TAF8: variants seen among roughly 807,000 people sequenced by gnomAD.
TAF8 encodes TATA-box binding protein associated factor 8, also known as transcription initiation factor TFIID subunit 8.
A neutral mutation model predicts 36.5 loss-of-function variants in TAF8; 47 were observed. That is an observed-to-expected ratio of 1.29 (90% confidence interval 1.02 to 1.64). TAF8 has a LOEUF of 1.64. Ranked by LOEUF, TAF8 falls within the 40% of genes most tolerant of loss-of-function variation. TAF8 has a pLI of 0.00. For missense variants in TAF8, 420 were observed against 407.6 expected, an observed-to-expected ratio of 1.03 and a Z score of -0.26; for synonymous variants, 175 against 159.5, an observed-to-expected ratio of 1.10 and a Z score of -0.73.
chr6:42,084,755 A>G (rs577859329), downstream of TAF8, among the ~76,000 whole-genome samples: 1 of 152,266 alleles, frequency 6.6e-6, no homozygotes, highest in African/African-American at 2.4e-5. Context: ...GAGCTACTGC[A>G]CCTGGCCTCA....
intron 7 of TAF8, among the ~76,000 whole-genome samples, chr6:42,076,051 TAAA>T (rs2127463956): frequency 6.6e-6 from 1 of 151,928 alleles, no homozygotes; most frequent in South Asian, 2.1e-4. Flanking sequence ...CTACTAAAAA[TAAA>T]AAACTTAGCG....
At chr6:42,062,897 T>C (rs1765236397) in intron 5 of TAF8, among the ~76,000 whole-genome samples, 1 of 152,094 alleles carries the variant, frequency 6.6e-6, no homozygotes, top group East Asian at 1.9e-4. Flanking sequence ...TAACAAAAGC[T>C]ATGGCTAAAG....
rs183932229 is a variant in TAF8 at position 42,081,940 on chromosome 6, T to C, written c.*4395T>C. The C allele has an allele frequency of 5.6e-4, 85 of 152,344 alleles. 1 individual carries two copies. The East Asian group carries it at 0.015, about 27-fold the overall frequency. 9.4% of individuals were successfully genotyped at this position (152,344 alleles called of 1,614,324 possible). On this transcript the variant is annotated 3_prime_UTR_variant, in exon 9 of 9. Transcript: ENST00000372977. ...TAGATTCACAAGATGTTGCAAAAAA[T>C]GTTGAGAGAGATCCTATGTACCCAT...
Position 42,078,798 on chromosome 6 carries a change from A to G in TAF8, c.*1253A>G, listed in dbSNP as rs774084475. 9 of 985,280 alleles carry G rather than the reference A, an allele frequency of 9.1e-6. No homozygotes were observed. The highest frequency in any genetic ancestry group is 1.1e-5 in the Non-Finnish European group (9 of 829,962). 61.0% of individuals were successfully genotyped at this position (985,280 alleles called of 1,614,324 possible). On this transcript the variant is annotated 3_prime_UTR_variant, in exon 9 of 9. Transcript: ENST00000372977. ...AGAGCGTCGGCTCTATTATGCTGGG[A>G]CTTGACAGAGGAGCCATGGGGTTTA...
intron 5 of TAF8, among the ~76,000 whole-genome samples, chr6:42,061,008 C>T (rs1765171325): frequency 6.6e-6 from 1 of 152,206 alleles, no homozygotes; most frequent in African/African-American, 2.4e-5. Context: ...ATGTTTAACA[C>T]ATTAGCTCTC....
chr6:42,080,363 TTTTTC>T lies in TAF8; in HGVS notation c.*2828_*2832del, dbSNP rs1284904600. 3 of 909,306 alleles carry T rather than the reference TTTTTC, an allele frequency of 3.3e-6. No individual in the cohort carries two copies. Among genetic ancestry groups the T allele is most frequent in the South Asian group, 5.0e-5 (1 of 20,094 alleles). The allele number at this position is 909,306 out of a possible 1,614,324, so 56.3% of individuals were successfully genotyped here. On this transcript the variant is annotated 3_prime_UTR_variant, in exon 9 of 9. Coordinates refer to ENST00000372977, the MANE Select transcript of TAF8 (RefSeq NM_138572.3). ...GAGATTTCAGAGGCTATACTCTTTT[TTTTTC>T]TTTTCTTTTTTTTTTTTTTTTGAGA...
At chr6:42,086,482 C>T (rs1386650207), downstream of TAF8, among the ~76,000 whole-genome samples, 1 of 152,172 alleles carries the variant, frequency 6.6e-6, no homozygotes, top group Non-Finnish European at 1.5e-5. Context: ...ACCGTGGCCA[C>T]CACGTGTTTT....
At chr6:42,065,697 C>T (rs542193102) in intron 5 of TAF8, among the ~76,000 whole-genome samples, 77 of 152,310 alleles carry the variant, frequency 5.1e-4, no homozygotes, top group African/African-American at 1.7e-3. Flanking sequence ...TCTTTCTTCA[C>T]GATGCGTCTC....
At chr6:42,071,879 T>C (rs982415237) in intron 7 of TAF8, among the ~76,000 whole-genome samples, 2 of 152,096 alleles carry the variant, frequency 1.3e-5, no homozygotes, top group Non-Finnish European at 2.9e-5. Context: ...GACGGTCCCG[T>C]AGTGATGTGA....
chr6:42,078,633 A>C lies in TAF8; in HGVS notation c.*1088A>C. On this transcript the variant is annotated 3_prime_UTR_variant, in exon 9 of 9. Coordinates refer to ENST00000372977, the MANE Select transcript of TAF8 (RefSeq NM_138572.3). ...GGGCTGCACCTGTCCTCCCGTCGGCATTTGACGAAAGCTCCCTGAAGCGGG... is the reference window on the plus strand; with the variant it reads ...GGGCTGCACCTGTCCTCCCGTCGGCCTTTGACGAAAGCTCCCTGAAGCGGG... The C allele has an allele frequency of 1.0e-6, 1 of 985,462 alleles. No individual in the cohort carries two copies. The highest frequency in any genetic ancestry group is 1.2e-6 in the Non-Finnish European group (1 of 829,946). The allele number at this position is 985,462 out of a possible 1,614,324, so 61.0% of individuals were successfully genotyped here.
intron 1 of TAF8, chr6:42,050,995 G>C: frequency 9.2e-7 from 1 of 1,086,468 alleles, no homozygotes; most frequent in South Asian, 3.5e-5. Flanking sequence ...CAATGAAATG[G>C]TGTGAAGATG....
chr6:42,074,146 A>C (rs1029381422), intron 7 of TAF8, among the ~76,000 whole-genome samples: 16 of 152,136 alleles, frequency 1.1e-4, no homozygotes, highest in Admixed American at 9.2e-4. Flanking sequence ...AAAACAAGCA[A>C]GAATGACCAC....
chr6:42,082,342 T>A lies in TAF8; in HGVS notation c.*4797T>A, dbSNP rs1385285999. The A allele has an allele frequency of 6.6e-6, 1 of 152,276 alleles. No individual in the cohort carries two copies. Among genetic ancestry groups the A allele is most frequent in the African/African-American group, 2.4e-5 (1 of 41,468 alleles). The allele number at this position is 152,276 out of a possible 1,614,324, so 9.4% of individuals were successfully genotyped here. On this transcript the variant is annotated 3_prime_UTR_variant, in exon 9 of 9. Coordinates refer to ENST00000372977, the MANE Select transcript of TAF8 (RefSeq NM_138572.3). ...ATTGAATCATAAAGTATGTGACTTT[T>A]TTCTTTTTGAGACAGAGTCTTGCTC...
At chr6:42,072,801 C>T (rs895350575) in intron 7 of TAF8, among the ~76,000 whole-genome samples, 2 of 152,028 alleles carry the variant, frequency 1.3e-5, no homozygotes, top group Non-Finnish European at 2.9e-5. Context: ...CGGCTCGCTG[C>T]AAGCTCCGCC....
intron 5 of TAF8, among the ~76,000 whole-genome samples, chr6:42,064,690 A>G (rs1765298096): frequency 1.3e-5 from 2 of 152,008 alleles, no homozygotes; most frequent in Non-Finnish European, 2.9e-5. Flanking sequence ...TAAAAATGCT[A>G]TCTCAGCCTG....
rs768519251 is a variant in TAF8 at position 42,079,623 on chromosome 6, C to G, written c.*2078C>G. 2.6e-5 allele frequency: 25 copies of G among 955,298 alleles called. No individual in the cohort carries two copies. The highest frequency in any genetic ancestry group is 3.1e-5 in the Non-Finnish European group (25 of 802,944). The allele number at this position is 955,298 out of a possible 1,614,324, so 59.2% of individuals were successfully genotyped here. A position where few individuals can be genotyped will look rare whatever the true frequency, so the allele number is the denominator to read the frequency against. On this transcript the variant is annotated 3_prime_UTR_variant, in exon 9 of 9. Transcript: ENST00000372977. Reference sequence around the variant, plus strand: ...TGTCGCCCCAGCTGGAGTATAGTGGCACTACCTCGGCTCACTGCAACCTCC... The same window carrying G: ...TGTCGCCCCAGCTGGAGTATAGTGGGACTACCTCGGCTCACTGCAACCTCC...
chr6:42,057,213 A>G (rs930645175), intron 4 of TAF8, among the ~76,000 whole-genome samples, 176 bp from the exon 5 acceptor site: 7 of 152,240 alleles, frequency 4.6e-5, no homozygotes, highest in Admixed American at 2.6e-4. Context: ...ATTAGCCAGC[A>G]GGGCTGGGCA....
At chr6:42,056,039 T>C in intron 4 of TAF8, 25 bp downstream of exon 4, 2 of 1,513,422 alleles carry the variant, frequency 1.3e-6, no homozygotes, top group South Asian at 2.2e-5. Flanking sequence ...ACTGAGGTAC[T>C]TAGCAATTTT....
At chr6:42,074,784 G>C (rs1765689675) in intron 7 of TAF8, among the ~76,000 whole-genome samples, 1 of 151,366 alleles carries the variant, frequency 6.6e-6, no homozygotes. Flanking sequence ...TGATCCACCT[G>C]CCTTGGCCTC....
Sources: gnomAD v4.1 joint callset for allele counts (sites outside exome capture counted in the v4.1 genomes callset) on GRCh38, gnomAD v4.1.1 for gene constraint, MANE v1.5 for transcripts, NCBI Gene and HGNC (gene_info 2026-07-23, HGNC 2026-07-21) for gene names.